The following LRIG3 variants were observed in gnomAD, a reference collection of about 807,000 sequenced individuals.
LRIG3 encodes the protein leucine-rich repeats and immunoglobulin-like domains protein 3.
In LRIG3, 76 loss-of-function variants were observed where a neutral mutation model predicts 114.5. That is an observed-to-expected ratio of 0.66 (90% CI 0.55 to 0.80). LRIG3 has a LOEUF of 0.80. Among genes scored for constraint, LRIG3 ranks in the 30% least tolerant of loss-of-function variants. The probability of loss-of-function intolerance (pLI) is 0.00; values close to 1 mark genes in which losing one functional copy is unlikely to be tolerated. For synonymous variants in LRIG3, 512 were observed against 519.8 expected, an observed-to-expected ratio of 0.98 and a Z score of 0.20; for missense variants, 1,239 against 1,382.8, an observed-to-expected ratio of 0.90 and a Z score of 1.65.
At position 58,888,859 on chromosome 12, in the gene LRIG3, TA is replaced by T; in HGVS notation, c.762del (p.Met255TrpfsTer8). ...CTCAGCCCCCAAAAAGCTCCATCCA[TA>T]AGTTTCGTTACTCCATTTCTTTGCA... ...LKMQRNGVTK[L>X]MDGAFWGLSN... On this transcript the variant is annotated frameshift_variant, in exon 6 of 19. Coordinates refer to ENST00000320743, the MANE Select transcript of LRIG3 (RefSeq NM_153377.5). LOFTEE classifies it high-confidence loss of function. 2 of 1,613,854 alleles carry T rather than the reference TA, an allele frequency of 1.2e-6. No homozygotes were observed.
intron 16 of LRIG3, among the ~76,000 whole-genome samples, chr12:58,875,224 T>A (rs112892224): frequency 0.042 from 6,329 of 152,226 alleles, 301 homozygotes; most frequent in African/African-American, 0.11. Flanking sequence ...CCTGGCATTA[T>A]TATGCCCCAG....
Position 58,914,073 on chromosome 12 carries a change from A to G in LRIG3, c.309-17T>C, listed in dbSNP as rs754438038. ...TTCAGTTTCCTACAAATGCCAAAAAAAAAAAGAAAAAGAAAAGCTGATTAG... is the reference window on the plus strand; with the variant it reads ...TTCAGTTTCCTACAAATGCCAAAAAGAAAAAGAAAAAGAAAAGCTGATTAG... On this transcript the variant is annotated splice_polypyrimidine_tract_variant and intron_variant, in intron 2 of 18. Transcript: ENST00000320743. The G allele has an allele frequency of 6.3e-7, 1 of 1,592,430 alleles. No homozygotes were observed. Among genetic ancestry groups the G allele is most frequent in the Non-Finnish European group, 8.5e-7 (1 of 1,174,704 alleles).
intron 1 of LRIG3, chr12:58,919,554 G>A (rs557643633): frequency 6.5e-7 from 1 of 1,548,776 alleles, no homozygotes; most frequent in African/African-American, 1.4e-5. Flanking sequence ...TACTGGGTGG[G>A]AACAGGAAAA....
intron 3 of LRIG3, among the ~76,000 whole-genome samples, chr12:58,898,878 C>T (rs184957839): frequency 5.9e-5 from 9 of 152,002 alleles, no homozygotes; most frequent in Admixed American, 5.2e-4. Flanking sequence ...AGGATGGTCT[C>T]GATCTCCTGA....
intron 3 of LRIG3, among the ~76,000 whole-genome samples, chr12:58,908,165 T>C (rs930648239): frequency 6.6e-6 from 1 of 152,148 alleles, no homozygotes; most frequent in Non-Finnish European, 1.5e-5. Context: ...CTCGCGGCAT[T>C]AGGTTCCAAG....
At position 58,880,934 on chromosome 12, in the gene LRIG3, T is replaced by C. The variant is rs1871108987; in HGVS notation, c.1481-33A>G. The C allele has an allele frequency of 2.5e-6, 4 of 1,588,772 alleles. 1 individual carries two copies. Among genetic ancestry groups the C allele is most frequent in the Non-Finnish European group, 3.4e-6 (4 of 1,162,756 alleles). ...AAATGGAGAGGAGGAGACAAAACAATGTTAAGGCTCAAGAGTCCAAATACT... is the reference window on the plus strand; with the variant it reads ...AAATGGAGAGGAGGAGACAAAACAACGTTAAGGCTCAAGAGTCCAAATACT... On this transcript the variant is annotated intron_variant, in intron 12 of 18. Transcript: ENST00000320743.
chr12:58,886,782 G>A (rs754132758), intron 9 of LRIG3, 28 bp downstream of exon 9: 1 of 1,600,366 alleles, frequency 6.2e-7, no homozygotes, highest in Non-Finnish European at 8.6e-7. Flanking sequence ...CAAAGAGTGA[G>A]CTAAATTATG....
In LRIG3 at chr12:58,920,230, G is replaced by T. The variant is rs533977799; in HGVS notation, c.6C>A (p.Ser2Arg). 13 of 1,381,910 alleles carry T rather than the reference G, an allele frequency of 9.4e-6. No individual in the cohort carries two copies. The South Asian group carries it at 2.0e-4, about 22-fold the overall frequency. 85.6% of individuals were successfully genotyped at this position (1,381,910 alleles called of 1,614,324 possible). Residue 2 changes from serine (S) to arginine (R), a missense_variant, in exon 1 of 19, where the codon AGC (serine) becomes AGA (arginine). Coordinates refer to ENST00000320743, the MANE Select transcript of LRIG3 (RefSeq NM_153377.5). M[S>R]APSLRARAAG... ...CGGCGCGCGCACGGAGGCTCGGCGC[G>T]CTCATCGCGGTCCAGCGGCCTAGGT...
At position 58,882,044 on chromosome 12, in the gene LRIG3, C is replaced by T. The variant is rs544914686; in HGVS notation, c.1480+825G>A. ...ACATCAGAGGTTTTATTTCCAGAAA[C>T]TACTGGCACTGCTTAATGCTGCAAC... On this transcript the variant is annotated intron_variant, in intron 12 of 18. Coordinates refer to ENST00000320743, the MANE Select transcript of LRIG3 (RefSeq NM_153377.5). Among the ~76,000 whole-genome samples the T allele has an allele frequency of 2.0e-5, 3 of 152,312 alleles. No individual in the cohort carries two copies. The South Asian group carries it at 6.2e-4, about 32-fold the overall frequency.
intron 3 of LRIG3, among the ~76,000 whole-genome samples, chr12:58,911,680 C>T (rs1296981176): frequency 6.6e-6 from 1 of 151,974 alleles, no homozygotes; most frequent in African/African-American, 2.4e-5. Context: ...TTTTTAATCT[C>T]AGAAAAGCAT....
rs765400991 is a variant in LRIG3 at position 58,890,122 on chromosome 12, C to T, written c.533G>A (p.Arg178Gln). 27 of 1,613,272 alleles carry T rather than the reference C, an allele frequency of 1.7e-5. No homozygotes were observed. Among genetic ancestry groups the T allele is most frequent in the South Asian group, 9.9e-5 (9 of 90,950 alleles). Residue 178 changes from arginine (R) to glutamine (Q), a missense_variant, in exon 5 of 19, where the codon CGA becomes CAA. By Grantham distance (43) the Arg-to-Gln change is conservative. Transcript: ENST00000320743. ...QLKYLYLNSN[R>Q]VTSMEPGYFD... ...ATACCCAGGTTCCATTGATGTGACT[C>T]GGTTGCTGTTGAGATACCTGTTGAA...
At chr12:58,916,582 C>A (rs1218472802) in intron 1 of LRIG3, among the ~76,000 whole-genome samples, 1 of 152,090 alleles carries the variant, frequency 6.6e-6, no homozygotes, top group Admixed American at 6.5e-5. Context: ...TTTTCTTAAA[C>A]CCAGATCATA....
intron 9 of LRIG3, 127 bp from the exon 10 acceptor site, chr12:58,886,029 C>G: frequency 2.4e-6 from 1 of 414,458 alleles, no homozygotes; most frequent in Non-Finnish European, 4.4e-6. Context: ...ACAATATATC[C>G]TGTAAAAATG....
Position 58,883,585 on chromosome 12 carries a change from C to A in LRIG3, c.1251G>T (p.Leu417=). 6.5e-7 allele frequency: 1 copy of A among 1,542,748 alleles called. No homozygotes were observed. Among genetic ancestry groups the A allele is most frequent in the Non-Finnish European group, 8.8e-7 (1 of 1,130,234 alleles). Residue 417 remains leucine (L), a synonymous_variant, in exon 11 of 19, where the codon CTG becomes CTT. Transcript: ENST00000320743. ...TGLDALEHLD[L]SDNAIMSLQG... ...GTAAAGACATGATTGCGTTGTCACT[C>A]AGGTCTCTGAAAAATCACCAAATCA...
intron 13 of LRIG3, 38 bp downstream of exon 13, chr12:58,880,543 G>A (rs373268203): frequency 1.0e-5 from 16 of 1,583,140 alleles, no homozygotes; most frequent in Non-Finnish European, 1.2e-5. Flanking sequence ...TTTCTAAAAG[G>A]TATCTTTAAA....
intron 3 of LRIG3, among the ~76,000 whole-genome samples, chr12:58,909,433 C>T (rs556400497): frequency 1.3e-5 from 2 of 152,154 alleles, no homozygotes; most frequent in South Asian, 2.1e-4. Context: ...CTTTTCTTTT[C>T]TTCATTTATT....
In LRIG3 at chr12:58,880,616, G is replaced by T; in HGVS notation, c.1766C>A (p.Ser589Ter). 1.9e-6 allele frequency: 3 copies of T among 1,614,056 alleles called. No homozygotes were observed. Among genetic ancestry groups the T allele is most frequent in the Middle Eastern group, 1.6e-4 (1 of 6,062 alleles). ...AAGCTTGGCTTTGACAGAGTAGGAT[G>T]AACCAAAGTGATTGGAGATGACACA... ...YQCVISNHFG[S>*]SYSVKAKLTV... The change falls in exon 13 of 19, where the codon TCA (serine) becomes TAA (stop). Residue 589 changes from serine to a stop codon, truncating the protein, a stop_gained. Transcript: ENST00000320743. LOFTEE classifies it high-confidence loss of function.
rs776801837 is a variant in LRIG3, at chr12:58,887,856, T to A, written c.1024A>T (p.Ile342Phe). ...LGLSLLNTLHIGNNRVSYIAD... is the reference protein window; with the variant it reads ...LGLSLLNTLHFGNNRVSYIAD... ...ATGTAGCTGACTCTGTTGTTCCCAA[T>A]GTGCAGTGTATTTAGTAAGCTTAGG... The change falls in exon 8 of 19, where the codon ATT becomes TTT. Residue 342 changes from isoleucine (I) to phenylalanine (F), a missense_variant. Coordinates refer to ENST00000320743, the MANE Select transcript of LRIG3 (RefSeq NM_153377.5). 6.2e-7 allele frequency: 1 copy of A among 1,613,774 alleles called. No individual in the cohort carries two copies. The highest frequency in any genetic ancestry group is 1.3e-5 in the African/African-American group (1 of 74,918).
Position 58,920,146 on chromosome 12 carries a change from G to A in LRIG3, c.90C>T (p.Gly30=), listed in dbSNP as rs1187630370. ...AGGGCTGCCCGAGTTCCCCGCGACC[G>A]CCGCTGTCTGACCGGCCAGCGCGCC... ...VLGRAGRSDS[G]GRGELGQPSG... is the part of the protein sequence containing the mutation. Residue 30 remains glycine, a synonymous_variant, in exon 1 of 19, where the codon GGC becomes GGT. Coordinates refer to ENST00000320743, the MANE Select transcript of LRIG3 (RefSeq NM_153377.5). 2 of 1,543,090 alleles carry A rather than the reference G, an allele frequency of 1.3e-6. No homozygotes were observed. Among genetic ancestry groups the A allele is most frequent in the Admixed American group, 2.0e-5 (1 of 50,940 alleles).
Sources: allele counts gnomAD v4.1 joint callset (sites outside exome capture counted in the v4.1 genomes callset), GRCh38; gene constraint gnomAD v4.1.1; transcripts MANE v1.5; gene names NCBI Gene and HGNC (gene_info 2026-07-23, HGNC 2026-07-21).